The following WNT7A variants were observed in gnomAD, a reference collection of about 807,000 sequenced individuals.
The protein encoded by WNT7A is protein Wnt-7a.
In WNT7A, 16 loss-of-function variants were observed where a neutral mutation model predicts 28.2. That is an observed-to-expected ratio of 0.57 (90% CI 0.38 to 0.86). WNT7A has a LOEUF of 0.86. Ranked by LOEUF, WNT7A falls within the 40% of genes least tolerant of loss-of-function variation. WNT7A has a pLI of 0.00. For missense variants in WNT7A, 411 were observed against 489.7 expected (o/e 0.84, Z 1.52); for synonymous variants, 190 against 195.9 (o/e 0.97, Z 0.25).
chr3:13,839,328 C>G lies in WNT7A; in HGVS notation c.570+15204G>C, dbSNP rs539066831. ...GTGAATTTTGAGAAGCTGTGAAGAG[C>G]CTGAGGCTGGGGGTCTCAGAGGGGA... On this transcript the variant is annotated intron_variant, in intron 3 of 3. Coordinates refer to ENST00000285018, the MANE Select transcript of WNT7A (RefSeq NM_004625.4). Among the ~76,000 whole-genome samples, 5 of 152,330 alleles carry G rather than the reference C, an allele frequency of 3.3e-5. No homozygotes were observed. The East Asian group carries it at 9.6e-4, about 29-fold the overall frequency.
intron 2 of WNT7A, among the ~76,000 whole-genome samples, chr3:13,870,146 T>C (rs1043438989): frequency 8.5e-5 from 13 of 152,194 alleles, no homozygotes; most frequent in Admixed American, 6.5e-5. Context: ...TGCTGCACTC[T>C]GGCCACTCAT....
chr3:13,826,195 T>C (rs1694193198), intron 3 of WNT7A, among the ~76,000 whole-genome samples: 1 of 152,260 alleles, frequency 6.6e-6, no homozygotes, highest in South Asian at 2.1e-4. Context: ...GAGCTTCCGG[T>C]CCCCACCTTC....
intron 3 of WNT7A, among the ~76,000 whole-genome samples, chr3:13,828,800 G>C (rs1014928700): frequency 6.6e-6 from 1 of 152,190 alleles, no homozygotes; most frequent in East Asian, 1.9e-4. Context: ...TATAAGCAGT[G>C]ACCTGGGCAA....
intron 2 of WNT7A, among the ~76,000 whole-genome samples, chr3:13,861,099 C>T (rs543508313): frequency 7.9e-5 from 12 of 152,186 alleles, no homozygotes; most frequent in Non-Finnish European, 1.6e-4. Flanking sequence ...CAGAGTTTGA[C>T]CCACTCCCTT....
intron 3 of WNT7A, among the ~76,000 whole-genome samples, chr3:13,846,456 A>C (rs1694539729): frequency 6.6e-6 from 1 of 152,186 alleles, no homozygotes; most frequent in South Asian, 2.1e-4. Flanking sequence ...GGCATTAAGC[A>C]ACTTTCTTAA....
intron 3 of WNT7A, among the ~76,000 whole-genome samples, chr3:13,838,349 A>C (rs574379936): frequency 6.6e-6 from 1 of 152,204 alleles, no homozygotes; most frequent in Non-Finnish European, 1.5e-5. Context: ...TGCAGGAGCA[A>C]CAGTGGACCT....
At chr3:13,842,374 T>C (rs1694475086) in intron 3 of WNT7A, among the ~76,000 whole-genome samples, 2 of 151,448 alleles carry the variant, frequency 1.3e-5, no homozygotes, top group South Asian at 2.1e-4. Flanking sequence ...GGTAGAAACC[T>C]GGGGTAAGGG....
chr3:13,855,319 T>C lies in WNT7A; in HGVS notation c.299-516A>G, dbSNP rs187017865. 9.3e-4 allele frequency among the ~76,000 whole-genome samples: 141 copies of C among 152,256 alleles called. 4 individuals carry two copies. The highest frequency in any genetic ancestry group is 7.8e-3 in the Admixed American group (120 of 15,298). On this transcript the variant is annotated intron_variant, in intron 2 of 3. Coordinates refer to ENST00000285018, the MANE Select transcript of WNT7A (RefSeq NM_004625.4). ...ACTCCTCCCTGCATCTCAGTCTCTC[T>C]GGCTGTAAAATGGGGACATATCATT...
chr3:13,836,888 A>G (rs546485397), intron 3 of WNT7A, among the ~76,000 whole-genome samples: 1 of 152,344 alleles, frequency 6.6e-6, no homozygotes, highest in African/African-American at 2.4e-5. Flanking sequence ...GTGTGGGTGC[A>G]GAAGAGAAGC....
At chr3:13,864,141 C>T (rs1004328473) in intron 2 of WNT7A, among the ~76,000 whole-genome samples, 5 of 152,270 alleles carry the variant, frequency 3.3e-5, no homozygotes, top group East Asian at 1.9e-4. Context: ...GAGCACATGG[C>T]GGGAAATCAC....
rs2124821620 is a variant in WNT7A, at chr3:13,817,119, G to A, written c.*1825C>T. The A allele has an allele frequency of 6.6e-6, 1 of 152,362 alleles. No individual in the cohort carries two copies. The allele number at this position is 152,362 out of a possible 1,614,324, so 9.4% of individuals were successfully genotyped here. A position where few individuals can be genotyped will look rare whatever the true frequency, so the allele number is the denominator to read the frequency against. On this transcript the variant is annotated 3_prime_UTR_variant, in exon 4 of 4. Transcript: ENST00000285018. ...TGTGCTGTGGTCTCAGAGGTGTCTG[G>A]TTTTCACCCATGGGTGTGGGGACAG...
chr3:13,828,140 C>T (rs1217495854), intron 3 of WNT7A, among the ~76,000 whole-genome samples: 4 of 152,180 alleles, frequency 2.6e-5, no homozygotes, highest in Non-Finnish European at 5.9e-5. Context: ...GTGACTCAGA[C>T]CAGTCAGGGC....
intron 2 of WNT7A, among the ~76,000 whole-genome samples, chr3:13,860,865 G>A (rs913848806): frequency 1.6e-4 from 25 of 152,200 alleles, no homozygotes; most frequent in African/African-American, 5.6e-4. Flanking sequence ...CTGTGGAAAT[G>A]GGATGAGATC....
At chr3:13,863,355 C>A (rs779694804) in intron 2 of WNT7A, among the ~76,000 whole-genome samples, 1 of 152,072 alleles carries the variant, frequency 6.6e-6, no homozygotes, top group Non-Finnish European at 1.5e-5. Context: ...ATCTGTGAAG[C>A]CTCAACAGTT....
intron 2 of WNT7A, 151 bp from the exon 3 acceptor site, chr3:13,854,954 C>T (rs1376764276): frequency 1.9e-6 from 2 of 1,053,186 alleles, no homozygotes; most frequent in Admixed American, 2.1e-5. Flanking sequence ...ACAAAGCTCC[C>T]TTTTAGGGTG....
At chr3:13,865,086 G>C (rs1215679975) in intron 2 of WNT7A, among the ~76,000 whole-genome samples, 1 of 152,134 alleles carries the variant, frequency 6.6e-6, no homozygotes, top group Non-Finnish European at 1.5e-5. Context: ...GGGTCTCCAG[G>C]GTGATATTCC....
At position 13,879,943 on chromosome 3, in the gene WNT7A, G is replaced by T; in HGVS notation, c.-127C>A. 1 of 622,876 alleles carries T rather than the reference G, an allele frequency of 1.6e-6. No homozygotes were observed. The highest frequency in any genetic ancestry group is 2.4e-6 in the Non-Finnish European group (1 of 422,120). The allele number at this position is 622,876 out of a possible 1,614,324, so 38.6% of individuals were successfully genotyped here. On this transcript the variant is annotated 5_prime_UTR_variant, in exon 1 of 4. Coordinates refer to ENST00000285018, the MANE Select transcript of WNT7A (RefSeq NM_004625.4). ...GGCGTCCCCGGGGCCGTCTGTCGGTGCGCCCGTCCGCGCGCTCCGCGCCTG... is the reference window on the plus strand; with the variant it reads ...GGCGTCCCCGGGGCCGTCTGTCGGTTCGCCCGTCCGCGCGCTCCGCGCCTG...
At chr3:13,822,191 A>C (rs1462448019) in intron 3 of WNT7A, among the ~76,000 whole-genome samples, 1 of 152,256 alleles carries the variant, frequency 6.6e-6, no homozygotes, top group Non-Finnish European at 1.5e-5. Flanking sequence ...AGAATGTTAG[A>C]CACAGAATGT....
rs180943473 is a variant in WNT7A at position 13,853,577 on chromosome 3, G to T, written c.570+955C>A. Among the ~76,000 whole-genome samples the T allele has an allele frequency of 2.5e-3, 385 of 152,246 alleles. 2 individuals carry two copies. Among genetic ancestry groups the T allele is most frequent in the African/African-American group, 8.8e-3 (367 of 41,520 alleles). On this transcript the variant is annotated intron_variant, in intron 3 of 3. Transcript: ENST00000285018. ...AGCCAAACCTCGCTCATCTCTCGAG[G>T]CCTGTCTCCTCCAGGAAGCCCACTG...
Sources: gnomAD v4.1 joint callset for allele counts (sites outside exome capture counted in the v4.1 genomes callset) on GRCh38, gnomAD v4.1.1 for gene constraint, MANE v1.5 for transcripts, NCBI Gene and HGNC (gene_info 2026-07-23, HGNC 2026-07-21) for gene names.